Variants in MYO9A observed in about 807,000 individuals in gnomAD.
The protein encoded by MYO9A is unconventional myosin-IXa.
Under a neutral mutation model 293.3 loss-of-function variants are expected in MYO9A, and 103 were observed. The observed-to-expected ratio is 0.35, with a 90% CI of 0.30 to 0.41. MYO9A has a LOEUF of 0.41. Among genes scored for constraint, MYO9A ranks in the 10% least tolerant of loss-of-function variants. MYO9A has a pLI of 1.00. For missense variants in MYO9A, 2,685 were observed against 3,033.0 expected (o/e 0.89, Z 2.69); for synonymous variants, 1,001 against 1,035.7 (o/e 0.97, Z 0.64).
At chr15:71,909,912 T>C (rs1017574546) in intron 19 of MYO9A, among the ~76,000 whole-genome samples, 4 of 151,902 alleles carry the variant, frequency 2.6e-5, no homozygotes, top group Non-Finnish European at 4.4e-5. Flanking sequence ...GGAGGGAGGA[T>C]AGCTTAAGCC....
intron 1 of MYO9A, among the ~76,000 whole-genome samples, chr15:72,114,028 G>A (rs916139454): frequency 2.6e-5 from 4 of 152,158 alleles, no homozygotes; most frequent in Admixed American, 6.6e-5. Flanking sequence ...GAAAGAAACG[G>A]TATCTAGGAC....
chr15:71,858,122 G>C (rs533880264), intron 34 of MYO9A, among the ~76,000 whole-genome samples: 104 of 152,408 alleles, frequency 6.8e-4, no homozygotes, highest in African/African-American at 2.5e-3. Context: ...TGCTGGAGAG[G>C]ATGTGGAGAA....
At chr15:71,877,947 T>C in intron 31 of MYO9A, 93 bp downstream of exon 31, 1 of 1,127,468 alleles carries the variant, frequency 8.9e-7, no homozygotes, top group Non-Finnish European at 1.2e-6. Context: ...AAATAAAATT[T>C]TTCTCAAATT....
intron 1 of MYO9A, among the ~76,000 whole-genome samples, chr15:72,068,858 T>C (rs1231875284): frequency 6.6e-6 from 1 of 152,164 alleles, no homozygotes; most frequent in Non-Finnish European, 1.5e-5. Context: ...AATAACTGCA[T>C]CAAACACTCA....
chr15:71,991,033 G>C (rs1457731538), intron 11 of MYO9A, 70 bp downstream of exon 11: 14 of 1,301,678 alleles, frequency 1.1e-5, no homozygotes, highest in Admixed American at 2.9e-5. Flanking sequence ...AAAATGAAGT[G>C]AATTATTATG....
Position 71,901,179 on chromosome 15 carries a change from T to C in MYO9A, c.3150+12A>G. The C allele has an allele frequency of 6.2e-7, 1 of 1,603,642 alleles. No homozygotes were observed. Among genetic ancestry groups the C allele is most frequent in the Non-Finnish European group, 8.5e-7 (1 of 1,176,528 alleles). On this transcript the variant is annotated intron_variant, in intron 23 of 41. Coordinates refer to ENST00000356056, the MANE Select transcript of MYO9A (RefSeq NM_006901.4). ...CTAGTCAATCTCATGCAAAGAATCCTTTGCTTCTCACCTGGATAATAACAG... is the reference window on the plus strand; with the variant it reads ...CTAGTCAATCTCATGCAAAGAATCCCTTGCTTCTCACCTGGATAATAACAG...
intron 14 of MYO9A, chr15:71,953,842 G>T (rs2059114702): frequency 1.3e-5 from 2 of 152,106 alleles, no homozygotes; most frequent in African/African-American, 2.4e-5. Context: ...TTTCAGTGGG[G>T]ATTCTTTTCT....
chr15:72,057,498 C>A (rs2078754965), intron 1 of MYO9A, among the ~76,000 whole-genome samples: 1 of 152,118 alleles, frequency 6.6e-6, no homozygotes, highest in Admixed American at 6.5e-5. Flanking sequence ...TGTCATCGAA[C>A]ATAGTTTGAA....
intron 14 of MYO9A, among the ~76,000 whole-genome samples, chr15:71,954,515 A>G (rs1335457923): frequency 2.0e-5 from 3 of 152,022 alleles, no homozygotes; most frequent in Admixed American, 2.0e-4. Context: ...CTCATCATCA[A>G]CTCTTAAAAG....
chr15:71,827,295 A>G (rs2306577), intron 41 of MYO9A, among the ~76,000 whole-genome samples: 2,040 of 152,274 alleles, frequency 0.013, 21 homozygotes, highest in East Asian at 0.031. Flanking sequence ...AGTCACTATC[A>G]TTTCAAAAAC....
chr15:71,836,696 T>G (rs1237930692), intron 39 of MYO9A, among the ~76,000 whole-genome samples: 1 of 151,948 alleles, frequency 6.6e-6, no homozygotes, highest in Non-Finnish European at 1.5e-5. Flanking sequence ...CTGAAATGAA[T>G]CAGAGACAAA....
chr15:72,115,094 A>G (rs2080922690), intron 1 of MYO9A, among the ~76,000 whole-genome samples: 1 of 152,250 alleles, frequency 6.6e-6, no homozygotes. Context: ...ACTGTTAAAA[A>G]TTCATATATT....
intron 1 of MYO9A, among the ~76,000 whole-genome samples, chr15:72,084,063 G>A (rs750177533): frequency 2.1e-4 from 32 of 152,220 alleles, no homozygotes; most frequent in Middle Eastern, 3.4e-3. Context: ...TTTCTGCCTT[G>A]ATGATCTTTC....
chr15:72,088,267 T>C (rs2079804793), intron 1 of MYO9A, among the ~76,000 whole-genome samples: 1 of 152,234 alleles, frequency 6.6e-6, no homozygotes, highest in Admixed American at 6.5e-5. Context: ...TATTAATATG[T>C]TCAACTTGAT....
intron 33 of MYO9A, 71 bp from the exon 34 acceptor site, chr15:71,859,867 C>G: frequency 7.4e-7 from 1 of 1,360,402 alleles, no homozygotes; most frequent in Non-Finnish European, 1.0e-6. Flanking sequence ...ATCAAGTATA[C>G]TTTATTTTAG....
rs1171754501 is a variant in MYO9A, at chr15:71,941,500, CA to C, written c.2303-2574del. Among the ~76,000 whole-genome samples the C allele has an allele frequency of 3.3e-5, 5 of 151,650 alleles. No individual in the cohort carries two copies. The East Asian group carries it at 9.7e-4, about 29-fold the overall frequency. Reference sequence around the variant, plus strand: ...AAGATTGCCCATTTGTTCGAATTAGCAAAAAAAGCATTTTAAAATAGCTATC... The same window carrying C: ...AAGATTGCCCATTTGTTCGAATTAGCAAAAAAGCATTTTAAAATAGCTATC... On this transcript the variant is annotated intron_variant, in intron 15 of 41. Transcript: ENST00000356056.
In MYO9A at chr15:71,888,107, G is replaced by T. The variant is rs141756748; in HGVS notation, c.5152C>A (p.Arg1718=). The T allele has an allele frequency of 5.7e-6, 9 of 1,586,072 alleles. No homozygotes were observed. Among genetic ancestry groups the T allele is most frequent in the Non-Finnish European group, 7.8e-6 (9 of 1,158,100 alleles). ...AGPGQRETSQ[R]FSSVDEQAKL... ...GCTTGTTCATCAACTGACGAAAATC[G>T]CTGTGATGTCTGTAATAATTACATA... The change falls in exon 27 of 42, where the codon CGA becomes AGA. Residue 1718 remains arginine (R), a synonymous_variant. Transcript: ENST00000356056.
At chr15:72,045,613 C>G (rs1025081399) in intron 2 of MYO9A, 111 bp downstream of exon 2, 1 of 1,216,002 alleles carries the variant, frequency 8.2e-7, no homozygotes, top group East Asian at 2.6e-5. Flanking sequence ...CTTGCTTGAT[C>G]TACTCCACAC....
At chr15:71,845,979 C>A (rs1392633634) in intron 39 of MYO9A, among the ~76,000 whole-genome samples, 2 of 152,160 alleles carry the variant, frequency 1.3e-5, no homozygotes, top group Non-Finnish European at 2.9e-5. Flanking sequence ...TCTGTTACTG[C>A]AAGTGAAACA....
Sources: gnomAD v4.1 joint callset for allele counts (sites outside exome capture counted in the v4.1 genomes callset) on GRCh38, gnomAD v4.1.1 for gene constraint, MANE v1.5 for transcripts, NCBI Gene and HGNC (gene_info 2026-07-23, HGNC 2026-07-21) for gene names.